LRRTM4: variants seen among roughly 807,000 people sequenced by gnomAD.
LRRTM4 encodes leucine rich repeat transmembrane neuronal 4, also known as leucine-rich repeat transmembrane neuronal protein 4.
A neutral mutation model predicts 47.6 loss-of-function variants in LRRTM4; 25 were observed. That is an observed-to-expected ratio of 0.53 (90% CI 0.38 to 0.73). The LOEUF (loss-of-function observed/expected upper bound fraction) is 0.73. Ranked by LOEUF, LRRTM4 falls within the 30% of genes least tolerant of loss-of-function variation. The probability of loss-of-function intolerance (pLI) is 0.00; values close to 1 mark genes in which losing one functional copy is unlikely to be tolerated. For missense variants in LRRTM4, 638 were observed against 713.4 expected (o/e 0.89, Z 1.20); for synonymous variants, 311 against 269.5 (o/e 1.15, Z -1.51).
chr2:77,350,359 A>G (rs1307884676), intron 3 of LRRTM4, among the ~76,000 whole-genome samples: 1 of 148,470 alleles, frequency 6.7e-6, no homozygotes, highest in South Asian at 2.1e-4. Context: ...AAAAAAAAAA[A>G]AAAAGAAATT....
intron 3 of LRRTM4, among the ~76,000 whole-genome samples, chr2:77,036,459 A>G (rs1333008045): frequency 3.3e-5 from 5 of 151,682 alleles, no homozygotes; most frequent in Admixed American, 6.6e-5. Context: ...TCTTGCTCAG[A>G]TATCTCATCC....
intron 3 of LRRTM4, among the ~76,000 whole-genome samples, chr2:77,279,936 G>T (rs113326776): frequency 1.3e-5 from 2 of 152,062 alleles, no homozygotes; most frequent in African/African-American, 4.8e-5. Context: ...GAGTTATAAG[G>T]AATGTGGTAG....
At chr2:76,795,391 AAGT>A (rs1675226237) in intron 3 of LRRTM4, among the ~76,000 whole-genome samples, 2 of 152,302 alleles carry the variant, frequency 1.3e-5, no homozygotes, top group South Asian at 2.1e-4. Context: ...AATTAACAAA[AAGT>A]CTATACTGAA....
chr2:77,512,507 C>T lies in LRRTM4; in HGVS notation c.1551+5811G>A, dbSNP rs1399926600. Among the ~76,000 whole-genome samples the T allele has an allele frequency of 2.0e-5, 3 of 152,216 alleles. No individual in the cohort carries two copies. In the East Asian group the frequency reaches 5.8e-4, roughly 29 times the overall value. ...GTATTCAACATCACTTCATGCTTTT[C>T]ACTGATCAAAAGACATACTGGTTTT... On this transcript the variant is annotated intron_variant, in intron 3 of 3. Coordinates refer to ENST00000409884, the MANE Select transcript of LRRTM4 (RefSeq NM_001134745.3).
intron 3 of LRRTM4, among the ~76,000 whole-genome samples, chr2:77,128,365 T>G (rs1184211240): frequency 6.6e-6 from 1 of 151,578 alleles, no homozygotes; most frequent in Non-Finnish European, 1.5e-5. Context: ...AAGATAACAA[T>G]GATAGGGCCA....
At chr2:77,207,163 T>G (rs1039392870) in intron 3 of LRRTM4, among the ~76,000 whole-genome samples, 1 of 144,230 alleles carries the variant, frequency 6.9e-6, no homozygotes, top group South Asian at 2.1e-4. Flanking sequence ...TATATATATA[T>G]AGAAAATTTC....
chr2:77,150,369 T>C (rs1672382456), intron 3 of LRRTM4, among the ~76,000 whole-genome samples: 1 of 152,166 alleles, frequency 6.6e-6, no homozygotes, highest in African/African-American at 2.4e-5. Context: ...ACAAGGAGAA[T>C]TATTTGCAAA....
rs547406468 is a variant in LRRTM4, at chr2:77,307,025, G to T, written c.1551+211293C>A. Among the ~76,000 whole-genome samples the T allele has an allele frequency of 5.2e-3, 776 of 148,242 alleles. 3 individuals are homozygous for T. Among genetic ancestry groups the T allele is most frequent in the African/African-American group, 0.019 (742 of 39,672 alleles). On this transcript the variant is annotated intron_variant, in intron 3 of 3. Coordinates refer to ENST00000409884, the MANE Select transcript of LRRTM4 (RefSeq NM_001134745.3). ...CACCATTCTCCTGCCTCAGCCTCCC[G>T]CGTAGCTGGGACTACAGGCGCCCAC...
rs147612424 is a variant in LRRTM4, at chr2:76,868,281, A to T, written c.1552-119365T>A. ...TGTTTGGTAAAATTAATAGTTTATG[A>T]ATGTGTCAGACATAGGACCCAGTTT... On this transcript the variant is annotated intron_variant, in intron 3 of 3. Coordinates refer to ENST00000409884, the MANE Select transcript of LRRTM4 (RefSeq NM_001134745.3). 8.5e-3 allele frequency among the ~76,000 whole-genome samples: 1,301 copies of T among 152,304 alleles called. 25 individuals carry two copies. The highest frequency in any genetic ancestry group is 0.029 in the African/African-American group (1,223 of 41,562).
intron 3 of LRRTM4, among the ~76,000 whole-genome samples, chr2:77,364,467 C>T (rs984596985): frequency 8.6e-5 from 13 of 151,994 alleles, no homozygotes; most frequent in South Asian, 2.1e-4. Context: ...AACCTATTGC[C>T]GGACATATTT....
intron 3 of LRRTM4, among the ~76,000 whole-genome samples, chr2:76,903,517 C>T (rs1673716512): frequency 6.6e-6 from 1 of 151,932 alleles, no homozygotes; most frequent in Middle Eastern, 3.2e-3. Context: ...TCCTGGGCCA[C>T]AGAGCAAGAT....
chr2:76,752,077 C>T (rs564590183), intron 3 of LRRTM4, among the ~76,000 whole-genome samples: 12 of 152,178 alleles, frequency 7.9e-5, no homozygotes, highest in African/African-American at 2.6e-4. Context: ...TTTTGTTCAC[C>T]GTCTTGTAGC....
At chr2:77,227,378 A>G (rs546981177) in intron 3 of LRRTM4, among the ~76,000 whole-genome samples, 6 of 152,100 alleles carry the variant, frequency 3.9e-5, no homozygotes, top group Non-Finnish European at 7.4e-5. Context: ...AATTTAATAA[A>G]TGATTCAATG....
chr2:77,172,010 T>C (rs58939378), intron 3 of LRRTM4, among the ~76,000 whole-genome samples: 27,782 of 152,132 alleles, frequency 0.18, 5,128 homozygotes, highest in African/African-American at 0.47. Context: ...TCACATAGTG[T>C]CGCTGCGATC....
intron 3 of LRRTM4, among the ~76,000 whole-genome samples, chr2:77,269,797 A>T (rs917683712): frequency 3.3e-5 from 5 of 152,240 alleles, no homozygotes; most frequent in African/African-American, 1.2e-4. Flanking sequence ...ATGTTCAACA[A>T]AAAGCAAATA....
intron 3 of LRRTM4, among the ~76,000 whole-genome samples, chr2:77,042,908 G>C (rs1211947402): frequency 3.3e-5 from 5 of 151,598 alleles, no homozygotes; most frequent in Admixed American, 2.0e-4. Flanking sequence ...CTTTTTCTGT[G>C]CCACACAAAG....
chr2:77,140,351 C>G (rs187188088), intron 3 of LRRTM4, among the ~76,000 whole-genome samples: 1 of 152,216 alleles, frequency 6.6e-6, no homozygotes, highest in East Asian at 1.9e-4. Context: ...CTTTGACAAA[C>G]CTGATAAAAA....
intron 3 of LRRTM4, among the ~76,000 whole-genome samples, chr2:77,074,882 T>C (rs1015152137): frequency 4.6e-5 from 7 of 151,340 alleles, no homozygotes; most frequent in Admixed American, 4.6e-4. Context: ...GGAAAACCAG[T>C]TACATTGGCA....
chr2:76,823,788 C>T (rs1671118038), intron 3 of LRRTM4, among the ~76,000 whole-genome samples: 1 of 151,372 alleles, frequency 6.6e-6, no homozygotes, highest in African/African-American at 2.4e-5. Context: ...AGTCAAAGAG[C>T]AGAGAAAATG....
Sources: gnomAD v4.1 joint callset for allele counts (sites outside exome capture counted in the v4.1 genomes callset) on GRCh38, gnomAD v4.1.1 for gene constraint, MANE v1.5 for transcripts, NCBI Gene and HGNC (gene_info 2026-07-23, HGNC 2026-07-21) for gene names.